The following SLC44A5 variants were observed in gnomAD, a reference collection of about 807,000 sequenced individuals.
The protein encoded by SLC44A5 is solute carrier family 44 member 5, also known as choline transporter-like protein 5.
SLC44A5 carries 57 observed loss-of-function variants against 101.8 expected under a neutral mutation model. The ratio of observed to expected loss-of-function variants is 0.56; its 90% confidence interval spans 0.45 to 0.70. The LOEUF (loss-of-function observed/expected upper bound fraction) is 0.70. SLC44A5 is among the 30% of genes least tolerant of loss of function. The probability of loss-of-function intolerance (pLI) is 0.00; values close to 1 mark genes in which losing one functional copy is unlikely to be tolerated. For missense variants in SLC44A5, 737 were observed against 853.1 expected (o/e 0.86, Z 1.70); for synonymous variants, 281 against 290.9 (o/e 0.97, Z 0.35).
In SLC44A5 at chr1:75,407,085, A is replaced by G. The variant is rs536330243; in HGVS notation, c.14-10464T>C. 7.6e-4 allele frequency among the ~76,000 whole-genome samples: 116 copies of G among 152,286 alleles called. 1 individual carries two copies. Among genetic ancestry groups the G allele is most frequent in the African/African-American group, 2.7e-3 (113 of 41,572 alleles). ...CAATAACAGACAAACAGAGAGCCCA[A>G]TCGTGAGTGAACTCCAATTCACAAT... is the stretch of plus-strand genomic sequence containing the variant. On this transcript the variant is annotated intron_variant, in intron 2 of 23. Transcript: ENST00000370859.
chr1:75,713,220 T>C, the SLC44A5 span, among the ~76,000 whole-genome samples: 1 of 152,296 alleles, frequency 6.6e-6, no homozygotes, highest in East Asian at 1.9e-4. Flanking sequence ...TATATTGATA[T>C]AATAATTTTA....
At chr1:75,347,992 G>C (rs1157531522) in intron 3 of SLC44A5, among the ~76,000 whole-genome samples, 8 of 152,082 alleles carry the variant, frequency 5.3e-5, no homozygotes, top group Non-Finnish European at 1.0e-4. Context: ...TGAAAGACTA[G>C]AGAAGGAAAA....
chr1:75,709,521 T>C, the SLC44A5 span, among the ~76,000 whole-genome samples: 1 of 152,212 alleles, frequency 6.6e-6, no homozygotes, highest in African/African-American at 2.4e-5. Context: ...GGAGAATGAG[T>C]AATGGCTTAT....
chr1:75,696,809 A>G, the SLC44A5 span, among the ~76,000 whole-genome samples: 1 of 152,080 alleles, frequency 6.6e-6, no homozygotes. Context: ...AGGCTGAGGC[A>G]GCAGAATGGC....
the SLC44A5 span, among the ~76,000 whole-genome samples, chr1:75,700,684 CA>C: frequency 2.6e-4 from 40 of 152,140 alleles, 1 homozygote; most frequent in South Asian, 8.1e-3. Flanking sequence ...AATAGAGACA[CA>C]AAAAACCCTT....
intron 7 of SLC44A5, among the ~76,000 whole-genome samples, chr1:75,250,673 C>T (rs965881620): frequency 6.6e-5 from 10 of 152,122 alleles, no homozygotes; most frequent in Admixed American, 5.2e-4. Context: ...TTTATTCATC[C>T]TCACTGTGTC....
At chr1:75,403,265 G>A (rs562641165) in intron 2 of SLC44A5, among the ~76,000 whole-genome samples, 2 of 152,320 alleles carry the variant, frequency 1.3e-5, no homozygotes, top group African/African-American at 2.4e-5. Context: ...AGCTGCGGGC[G>A]CAGCTTCAGC....
chr1:75,491,180 G>T (rs897997728), intron 2 of SLC44A5, among the ~76,000 whole-genome samples: 4 of 152,080 alleles, frequency 2.6e-5, no homozygotes, highest in Non-Finnish European at 5.9e-5. Context: ...GGGCTTCTGG[G>T]TATAGTTTCT....
chr1:75,245,066 A>G (rs1648988791), intron 7 of SLC44A5, among the ~76,000 whole-genome samples: 1 of 152,114 alleles, frequency 6.6e-6, no homozygotes, highest in Non-Finnish European at 1.5e-5. Flanking sequence ...TGGACCCTAC[A>G]GCTAAGTTAG....
At chr1:75,260,695 C>A (rs1194263635) in intron 6 of SLC44A5, among the ~76,000 whole-genome samples, 1 of 152,170 alleles carries the variant, frequency 6.6e-6, no homozygotes, top group Non-Finnish European at 1.5e-5. Context: ...CTACAAAACT[C>A]TCCACTCCAT....
Position 75,496,613 on chromosome 1 carries a change from A to C in SLC44A5, c.13+44822T>G, listed in dbSNP as rs80201054. ...ACAAGGAAACAGACAACAACAACAA[A>C]AAAAAAAACAATAAAAGTGGGACTA... is the stretch of plus-strand genomic sequence containing the variant. On this transcript the variant is annotated intron_variant, in intron 2 of 23. Transcript: ENST00000370859. Among the ~76,000 whole-genome samples the C allele has an allele frequency of 7.2e-3, 1,096 of 151,276 alleles. 6 individuals carry two copies. The highest frequency in any genetic ancestry group is 0.032 in the East Asian group (163 of 5,166).
intron 3 of SLC44A5, among the ~76,000 whole-genome samples, chr1:75,362,826 G>A (rs576319181): frequency 6.6e-6 from 1 of 150,510 alleles, no homozygotes; most frequent in African/African-American, 2.5e-5. Context: ...AAAGTGTAAG[G>A]GGGGTGAGTA....
At chr1:75,633,080 G>C in the SLC44A5 span, among the ~76,000 whole-genome samples, 1 of 152,102 alleles carries the variant, frequency 6.6e-6, no homozygotes, top group Non-Finnish European at 1.5e-5. Context: ...CTAGTATTCA[G>C]CATGGTGTCT....
At position 75,221,779 on chromosome 1, in the gene SLC44A5, G is replaced by T. The variant is rs551501335; in HGVS notation, c.1085+582C>A. 3.9e-5 allele frequency among the ~76,000 whole-genome samples: 6 copies of T among 152,026 alleles called. No homozygotes were observed. The South Asian group carries it at 1.2e-3, about 32-fold the overall frequency. ...TGTGTCATTCTCCTAACACATATTT[G>T]GTGTTCAAAAACTGCTAATACGTAG... On this transcript the variant is annotated intron_variant, in intron 14 of 23. Transcript: ENST00000370859.
At chr1:75,703,019 G>A in the SLC44A5 span, among the ~76,000 whole-genome samples, 5 of 151,442 alleles carry the variant, frequency 3.3e-5, no homozygotes, top group East Asian at 9.7e-4. Flanking sequence ...AACAGGTGCT[G>A]GAGAGGATGT....
intron 1 of SLC44A5, among the ~76,000 whole-genome samples, chr1:75,562,165 T>C (rs1298228998): frequency 1.3e-5 from 2 of 152,222 alleles, no homozygotes; most frequent in East Asian, 3.9e-4. Flanking sequence ...TTTGATAAAA[T>C]TTTGATGAAC....
In SLC44A5 at chr1:75,202,383, G is replaced by A. The variant is rs1646679677; in HGVS notation, c.*1344C>T. ...TTTTATAAACTGATAGTAACTTACT[G>A]ATGATTGATTCTCAAAGCTTTCACA... On this transcript the variant is annotated 3_prime_UTR_variant, in exon 24 of 24. Transcript: ENST00000370859. 1 of 152,118 alleles carries A rather than the reference G, an allele frequency of 6.6e-6. No individual in the cohort carries two copies. Among genetic ancestry groups the A allele is most frequent in the Admixed American group, 6.5e-5 (1 of 15,272 alleles). 9.4% of individuals were successfully genotyped at this position (152,118 alleles called of 1,614,324 possible). A position where few individuals can be genotyped will look rare whatever the true frequency, so the allele number is the denominator to read the frequency against.
intron 1 of SLC44A5, among the ~76,000 whole-genome samples, chr1:75,580,631 G>A (rs1265341236): frequency 6.6e-6 from 1 of 152,144 alleles, no homozygotes; most frequent in Non-Finnish European, 1.5e-5. Flanking sequence ...TTGAGACCAG[G>A]AGTTCGAGAC....
At chr1:75,354,213 C>A (rs1301359442) in intron 3 of SLC44A5, among the ~76,000 whole-genome samples, 1 of 152,184 alleles carries the variant, frequency 6.6e-6, no homozygotes, top group African/African-American at 2.4e-5. Context: ...TCTTAGAGGA[C>A]TGAGGCTGAA....
Sources: gnomAD v4.1 joint callset for allele counts (sites outside exome capture counted in the v4.1 genomes callset) on GRCh38, gnomAD v4.1.1 for gene constraint, MANE v1.5 for transcripts, NCBI Gene and HGNC (gene_info 2026-07-23, HGNC 2026-07-21) for gene names.